Variants in CSMD1 observed in about 807,000 individuals in gnomAD.
CSMD1 encodes the protein CUB and sushi domain-containing protein 1.
CSMD1 carries 213 observed loss-of-function variants against 417.5 expected under a neutral mutation model. The ratio of observed to expected loss-of-function variants is 0.51; its 90% CI spans 0.46 to 0.57. The LOEUF (loss-of-function observed/expected upper bound fraction) is 0.57, where lower values mean the gene tolerates loss of function less well. CSMD1 is among the 20% of genes least tolerant of loss of function. The pLI, the probability that CSMD1 is intolerant of heterozygous loss-of-function variation, is 0.00. For synonymous variants in CSMD1, 2,862 were observed against 1,736.8 expected (o/e 1.65, Z -16.11); for missense variants, 6,923 against 4,529.7 (o/e 1.53, Z -15.17).
intron 7 of CSMD1, among the ~76,000 whole-genome samples, chr8:3,635,469 G>C (rs1232794807): frequency 6.7e-6 from 1 of 149,278 alleles, no homozygotes; most frequent in African/African-American, 2.5e-5. Context: ...GGGCAATGGA[G>C]CAAGACTCCA....
intron 1 of CSMD1, among the ~76,000 whole-genome samples, chr8:4,665,564 T>C (rs888542136): frequency 4.6e-5 from 7 of 152,122 alleles, no homozygotes; most frequent in African/African-American, 1.7e-4. Flanking sequence ...ATGATTTCCA[T>C]CTCTGTAGCT....
At position 4,133,313 on chromosome 8, in the gene CSMD1, T is replaced by A. The variant is rs78313277; in HGVS notation, c.416-101214A>T. On this transcript the variant is annotated intron_variant, in intron 3 of 69. Coordinates refer to ENST00000635120, the MANE Select transcript of CSMD1 (RefSeq NM_033225.6). The stretch of plus-strand genomic sequence containing the variant: ...TTAAAAGTCTAAGTTTATACTGGAA[T>A]GAGGACAAATAATGATAGACTTCTC... Among the ~76,000 whole-genome samples, 639 of 152,298 alleles carry A rather than the reference T, an allele frequency of 4.2e-3. 2 individuals are homozygous for A. The highest frequency in any genetic ancestry group is 7.9e-3 in the South Asian group (38 of 4,830).
intron 5 of CSMD1, among the ~76,000 whole-genome samples, chr8:3,883,036 C>T (rs562724728): frequency 6.6e-6 from 1 of 152,086 alleles, no homozygotes; most frequent in Admixed American, 6.6e-5. Flanking sequence ...CAATAAAACG[C>T]CTGAACATAT....
intron 3 of CSMD1, among the ~76,000 whole-genome samples, chr8:4,303,863 C>G (rs1910717): frequency 0.76 from 115,271 of 151,896 alleles, 43,815 homozygotes; most frequent in East Asian, 0.85. Flanking sequence ...CACTATGTTG[C>G]CCAGGCTGGT....
chr8:4,073,908 G>C (rs1466640224), intron 3 of CSMD1, among the ~76,000 whole-genome samples: 1 of 152,050 alleles, frequency 6.6e-6, no homozygotes, highest in African/African-American at 2.4e-5. Flanking sequence ...AATATTTCAA[G>C]TAGTCTTAAT....
intron 3 of CSMD1, among the ~76,000 whole-genome samples, chr8:4,071,414 T>C (rs2130780407): frequency 6.6e-6 from 1 of 152,248 alleles, no homozygotes; most frequent in East Asian, 1.9e-4. Context: ...AAAATTGTAG[T>C]TTAGATATTT....
intron 3 of CSMD1, among the ~76,000 whole-genome samples, chr8:4,315,719 T>C (rs1484544112): frequency 1.3e-5 from 2 of 152,178 alleles, no homozygotes; most frequent in African/African-American, 4.8e-5. Flanking sequence ...TAGGTATAGA[T>C]TGAGCTGTGC....
intron 3 of CSMD1, among the ~76,000 whole-genome samples, chr8:4,338,146 G>C (rs1800277695): frequency 6.6e-6 from 1 of 152,094 alleles, no homozygotes; most frequent in African/African-American, 2.4e-5. Context: ...TTATTCCAAA[G>C]CATGGTAGTA....
rs117235880 is a variant in CSMD1 at position 3,639,725 on chromosome 8, G to C, written c.1010-22928C>G. ...ACATCAACATCTTTGATTTCTCAAT[G>C]ATTTTTCTTTTGCATTTATTCACTA... On this transcript the variant is annotated intron_variant, in intron 7 of 69. Coordinates refer to ENST00000635120, the MANE Select transcript of CSMD1 (RefSeq NM_033225.6). Among the ~76,000 whole-genome samples, 38 of 152,226 alleles carry C rather than the reference G, an allele frequency of 2.5e-4. No homozygotes were observed. The East Asian group carries it at 3.3e-3, about 13-fold the overall frequency.
chr8:3,480,121 G>A (rs541253153), intron 11 of CSMD1, among the ~76,000 whole-genome samples: 137 of 152,236 alleles, frequency 9.0e-4, no homozygotes, highest in African/African-American at 2.1e-3. Context: ...CACTTTGGGA[G>A]GCCTAGGTGG....
intron 6 of CSMD1, among the ~76,000 whole-genome samples, chr8:3,711,163 G>C (rs1438108873): frequency 2.0e-5 from 3 of 152,204 alleles, no homozygotes; most frequent in East Asian, 1.9e-4. Flanking sequence ...GGAGAAACGA[G>C]AGACTGGAAG....
chr8:4,110,822 T>C (rs539224142), intron 3 of CSMD1, among the ~76,000 whole-genome samples: 1 of 152,298 alleles, frequency 6.6e-6, no homozygotes, highest in East Asian at 1.9e-4. Flanking sequence ...GTTCTGCTTC[T>C]ATTTCTACTT....
At chr8:4,346,152 C>A (rs909343137) in intron 3 of CSMD1, among the ~76,000 whole-genome samples, 1 of 152,132 alleles carries the variant, frequency 6.6e-6, no homozygotes, top group African/African-American at 2.4e-5. Flanking sequence ...ACTCTCCATG[C>A]TGGTCAACTA....
chr8:4,168,372 G>A (rs1192566423), intron 3 of CSMD1, among the ~76,000 whole-genome samples: 2 of 151,772 alleles, frequency 1.3e-5, no homozygotes, highest in African/African-American at 4.8e-5. Context: ...CTCAGTCTTG[G>A]TGACAGAGTG....
At chr8:4,176,069 T>C (rs1395231844) in intron 3 of CSMD1, among the ~76,000 whole-genome samples, 4 of 152,118 alleles carry the variant, frequency 2.6e-5, no homozygotes, top group African/African-American at 7.2e-5. Context: ...GTGACTTAGA[T>C]GTGGAACCCT....
chr8:3,204,876 C>A (rs867611531), intron 31 of CSMD1, among the ~76,000 whole-genome samples: 2 of 152,158 alleles, frequency 1.3e-5, no homozygotes, highest in African/African-American at 2.4e-5. Flanking sequence ...GATAAATTGT[C>A]CTGGTCAAGA....
At chr8:3,196,471 G>GT (rs1563133058) in intron 33 of CSMD1, among the ~76,000 whole-genome samples, 2 of 151,960 alleles carry the variant, frequency 1.3e-5, no homozygotes. Flanking sequence ...TCTTTCTTGC[G>GT]CGAGATCCAA....
At chr8:3,201,988 T>C (rs939383621) in intron 31 of CSMD1, among the ~76,000 whole-genome samples, 8 of 152,354 alleles carry the variant, frequency 5.3e-5, no homozygotes, top group African/African-American at 1.9e-4. Flanking sequence ...AGGAATGTTT[T>C]TGTTTTAATA....
chr8:4,232,843 A>G (rs189826592), intron 3 of CSMD1, among the ~76,000 whole-genome samples: 182 of 152,202 alleles, frequency 1.2e-3, no homozygotes, highest in African/African-American at 4.1e-3. Flanking sequence ...TTATTTATTT[A>G]TTTATATATT....
Sources: gnomAD v4.1 joint callset for allele counts (sites outside exome capture counted in the v4.1 genomes callset) on GRCh38, gnomAD v4.1.1 for gene constraint, MANE v1.5 for transcripts, NCBI Gene and HGNC (gene_info 2026-07-23, HGNC 2026-07-21) for gene names.